The following RIMS2 variants were observed in gnomAD, a reference collection of about 807,000 sequenced individuals.
RIMS2 encodes the protein regulating synaptic membrane exocytosis 2, also known as regulating synaptic membrane exocytosis protein 2.
RIMS2 carries 59 observed loss-of-function variants against 174.4 expected under a neutral mutation model. That is an observed-to-expected ratio of 0.34 (90% confidence interval 0.27 to 0.42). The LOEUF is 0.42. Among genes scored for constraint, RIMS2 ranks in the 10% least tolerant of loss-of-function variants. The pLI is 1.00. For synonymous variants in RIMS2, 606 were observed against 572.5 expected (o/e 1.06, Z -0.84); for missense variants, 1,620 against 1,666.3 (o/e 0.97, Z 0.48).
chr8:103,812,331 GT>G (rs71575985), intron 3 of RIMS2, among the ~76,000 whole-genome samples: 32,793 of 112,102 alleles, frequency 0.29, 4,254 homozygotes, highest in Non-Finnish European at 0.32. Context: ...TTATTACCTT[GT>G]TTTTTTTTTT....
intron 2 of RIMS2, among the ~76,000 whole-genome samples, chr8:103,720,506 T>G (rs577766990): frequency 6.6e-6 from 1 of 152,296 alleles, no homozygotes; most frequent in East Asian, 1.9e-4. Context: ...AAGATGTAAA[T>G]CACCTTAATA....
intron 14 of RIMS2, among the ~76,000 whole-genome samples, chr8:103,952,298 C>T (rs902328675): frequency 6.6e-6 from 1 of 152,168 alleles, no homozygotes; most frequent in Non-Finnish European, 1.5e-5. Context: ...TCCCTGACCC[C>T]CATGTATCCT....
intron 16 of RIMS2, among the ~76,000 whole-genome samples, chr8:103,979,697 A>C (rs1195016231): frequency 6.6e-6 from 1 of 152,190 alleles, no homozygotes; most frequent in Non-Finnish European, 1.5e-5. Context: ...GGTTGGAGAG[A>C]CAGTCTTTAA....
At chr8:103,607,456 T>C (rs1324139072) in intron 1 of RIMS2, among the ~76,000 whole-genome samples, 5 of 151,850 alleles carry the variant, frequency 3.3e-5, no homozygotes, top group Admixed American at 1.3e-4. Flanking sequence ...ATTTCTACTT[T>C]GGTGAATCTG....
chr8:103,678,310 A>G (rs2096839907), intron 1 of RIMS2, among the ~76,000 whole-genome samples: 1 of 152,200 alleles, frequency 6.6e-6, no homozygotes, highest in South Asian at 2.1e-4. Context: ...TGAGCCATGT[A>G]TTATGCTAGT....
chr8:103,815,388 A>G (rs1274812974), intron 3 of RIMS2, among the ~76,000 whole-genome samples: 2 of 152,150 alleles, frequency 1.3e-5, no homozygotes, highest in African/African-American at 4.8e-5. Context: ...TTAGTTTTTT[A>G]GATATTTTCT....
intron 3 of RIMS2, among the ~76,000 whole-genome samples, chr8:103,828,953 G>T (rs1011621106): frequency 6.6e-6 from 1 of 152,060 alleles, no homozygotes; most frequent in South Asian, 2.1e-4. Flanking sequence ...GTACCATGTT[G>T]TTTGGTTTAC....
At chr8:104,093,408 C>A in intron 19 of RIMS2, 63 bp from the exon 24 acceptor site, 2 of 1,146,112 alleles carry the variant, frequency 1.7e-6, no homozygotes, top group Non-Finnish European at 2.4e-6. Context: ...TAGGAGAAAG[C>A]TAATAATTGC....
intron 1 of RIMS2, among the ~76,000 whole-genome samples, chr8:103,606,089 T>G (rs1422230839): frequency 2.1e-4 from 31 of 147,488 alleles, no homozygotes; most frequent in African/African-American, 7.6e-4. Context: ...TTACTTGTGA[T>G]GTTAGGGTGT....
At chr8:103,726,747 T>A (rs902676909) in intron 2 of RIMS2, among the ~76,000 whole-genome samples, 3 of 148,240 alleles carry the variant, frequency 2.0e-5, no homozygotes, top group African/African-American at 7.3e-5. Context: ...ATATATATAT[T>A]TTTGAGACAG....
chr8:103,598,647 A>G lies in RIMS2; in HGVS notation c.176+97585A>G, dbSNP rs946933694. 4.0e-4 allele frequency among the ~76,000 whole-genome samples: 61 copies of G among 152,258 alleles called. 1 individual carries two copies. Among genetic ancestry groups the G allele is most frequent in the African/African-American group, 1.4e-3 (60 of 41,558 alleles). ...CTGGCGAAGGACATTATTATTTGTT[A>G]CTTGCCCAATTGGGGAGTGTTCTTT... On this transcript the variant is annotated intron_variant, in intron 1 of 23. Coordinates refer to ENST00000504942, the Ensembl canonical transcript of RIMS2.
At chr8:104,221,647 A>G (rs1310500850) in intron 19 of RIMS2, among the ~76,000 whole-genome samples, 1 of 152,224 alleles carries the variant, frequency 6.6e-6, no homozygotes, top group African/African-American at 2.4e-5. Context: ...AGAAAGGACA[A>G]GTCTATCAGG....
intron 2 of RIMS2, among the ~76,000 whole-genome samples, chr8:103,705,373 G>A (rs2137663179): frequency 6.6e-6 from 1 of 152,128 alleles, no homozygotes; most frequent in Middle Eastern, 3.4e-3. Context: ...GATATGATCT[G>A]TTTTGGAGAA....
chr8:103,594,501 A>T (rs1237981149), intron 1 of RIMS2, among the ~76,000 whole-genome samples: 1 of 151,722 alleles, frequency 6.6e-6, no homozygotes, highest in Non-Finnish European at 1.5e-5. Flanking sequence ...GTTGATGAAA[A>T]TGTGATCAGA....
At chr8:103,713,874 T>C (rs1430917962) in intron 2 of RIMS2, among the ~76,000 whole-genome samples, 1 of 152,210 alleles carries the variant, frequency 6.6e-6, no homozygotes, top group Non-Finnish European at 1.5e-5. Flanking sequence ...ATTATACTAC[T>C]TACACTTCTC....
intron 1 of RIMS2, among the ~76,000 whole-genome samples, chr8:103,648,089 C>G (rs1480450271): frequency 6.6e-6 from 1 of 151,924 alleles, no homozygotes; most frequent in Non-Finnish European, 1.5e-5. Context: ...ACTGCTTTAG[C>G]TGCGTCCCAG....
intron 1 of RIMS2, among the ~76,000 whole-genome samples, chr8:103,620,009 CAG>C (rs955937861): frequency 6.6e-6 from 1 of 152,084 alleles, no homozygotes; most frequent in African/African-American, 2.4e-5. Flanking sequence ...CTATAACAAA[CAG>C]ACTAGTGTTT....
chr8:103,987,698 G>T (rs1219686134), intron 16 of RIMS2, among the ~76,000 whole-genome samples: 1 of 152,134 alleles, frequency 6.6e-6, no homozygotes, highest in Admixed American at 6.5e-5. Context: ...ATCATTATTT[G>T]TTAATGACAG....
chr8:103,583,872 T>G (rs1563881227), intron 1 of RIMS2, among the ~76,000 whole-genome samples: 2 of 151,988 alleles, frequency 1.3e-5, no homozygotes, highest in African/African-American at 2.4e-5. Flanking sequence ...GGTAACAAAG[T>G]CAACATATAT....
Sources: allele counts gnomAD v4.1 joint callset (sites outside exome capture counted in the v4.1 genomes callset), GRCh38; gene constraint gnomAD v4.1.1; transcripts MANE v1.5; gene names NCBI Gene and HGNC (gene_info 2026-07-23, HGNC 2026-07-21).